Variants in TNRC6B observed in about 807,000 individuals in gnomAD.
The protein encoded by TNRC6B is trinucleotide repeat containing adaptor 6B.
Under a neutral mutation model 203.6 loss-of-function variants are expected in TNRC6B, and 52 were observed. The observed-to-expected ratio is 0.26, with a 90% confidence interval of 0.20 to 0.32. The LOEUF is 0.32. TNRC6B is among the 10% of genes least tolerant of loss of function. TNRC6B has a pLI of 1.00. For synonymous variants in TNRC6B, 838 were observed against 845.7 expected (o/e 0.99, Z 0.16); for missense variants, 1,923 against 2,286.2 (o/e 0.84, Z 3.24).
chr22:40,187,188 A>C (rs2069215294), intron 1 of TNRC6B, among the ~76,000 whole-genome samples: 1 of 152,214 alleles, frequency 6.6e-6, no homozygotes, highest in African/African-American at 2.4e-5. Flanking sequence ...GGGTTATGCG[A>C]AGTAAAATAG....
At chr22:40,168,001 A>G (rs2068935985) in intron 4 of TNRC6B, among the ~76,000 whole-genome samples, 1 of 152,214 alleles carries the variant, frequency 6.6e-6, no homozygotes, top group Admixed American at 6.5e-5. Context: ...AGCAAAGCAA[A>G]TCTGTTTCAA....
upstream of TNRC6B, among the ~76,000 whole-genome samples, chr22:40,175,073 C>T (rs771557224): frequency 6.6e-6 from 1 of 151,950 alleles, no homozygotes; most frequent in Non-Finnish European, 1.5e-5. Context: ...AAAAAATATT[C>T]AGTGGCCGGG....
chr22:40,316,766 G>C (rs1172952040), intron 21 of TNRC6B, among the ~76,000 whole-genome samples: 1 of 152,190 alleles, frequency 6.6e-6, no homozygotes, highest in African/African-American at 2.4e-5. Context: ...CTGGAGAAGG[G>C]TTGATGCTGG....
chr22:40,051,804 A>G (rs927412976), intron 1 of TNRC6B, among the ~76,000 whole-genome samples: 1 of 152,238 alleles, frequency 6.6e-6, no homozygotes, highest in East Asian at 1.9e-4. Context: ...ATTGATTTTT[A>G]TAGCATTTTA....
chr22:40,186,263 G>A (rs1279928165), intron 1 of TNRC6B, among the ~76,000 whole-genome samples: 1 of 152,094 alleles, frequency 6.6e-6, no homozygotes, highest in Non-Finnish European at 1.5e-5. Flanking sequence ...TCGATCACAG[G>A]TGTGGGCAGC....
intron 4 of TNRC6B, among the ~76,000 whole-genome samples, chr22:40,160,252 G>C (rs1158409610): frequency 6.6e-6 from 1 of 152,066 alleles, no homozygotes; most frequent in Non-Finnish European, 1.5e-5. Flanking sequence ...TGAGGCAGGC[G>C]GATCACCTGA....
chr22:40,078,429 C>T (rs1485016747), intron 1 of TNRC6B, among the ~76,000 whole-genome samples: 2 of 151,856 alleles, frequency 1.3e-5, no homozygotes, highest in Non-Finnish European at 2.9e-5. Flanking sequence ...GAGGCTGAGG[C>T]AGGAGGATCA....
At chr22:40,247,808 G>A (rs920943869) in intron 2 of TNRC6B, among the ~76,000 whole-genome samples, 2 of 152,130 alleles carry the variant, frequency 1.3e-5, no homozygotes, top group Non-Finnish European at 2.9e-5. Context: ...GGTGGCTCAT[G>A]CCTGTAATCC....
chr22:40,279,971 C>T (rs896462241), intron 9 of TNRC6B, 24 bp from the exon 10 acceptor site: 2 of 1,611,900 alleles, frequency 1.2e-6, no homozygotes, highest in Non-Finnish European at 1.7e-6. Context: ...TGGAAATTTT[C>T]ACTCTGTGTA....
At chr22:40,258,376 T>G (rs1368260852) in intron 3 of TNRC6B, among the ~76,000 whole-genome samples, 1 of 152,150 alleles carries the variant, frequency 6.6e-6, no homozygotes, top group Non-Finnish European at 1.5e-5. Context: ...GTTTGGACTT[T>G]GGGAGTCAAT....
chr22:40,271,060 T>C (rs752028310), intron 6 of TNRC6B, among the ~76,000 whole-genome samples: 2 of 152,198 alleles, frequency 1.3e-5, no homozygotes, highest in Non-Finnish European at 2.9e-5. Context: ...TGGCATAAAT[T>C]TCACTTCAAT....
intron 12 of TNRC6B, among the ~76,000 whole-genome samples, chr22:40,298,823 G>A (rs749364644): frequency 4.6e-5 from 7 of 152,106 alleles, no homozygotes; most frequent in African/African-American, 7.2e-5. Context: ...AAAATTAGCC[G>A]GGCGCAGTGG....
chr22:40,228,007 T>C (rs1198254105), intron 1 of TNRC6B, among the ~76,000 whole-genome samples: 1 of 152,234 alleles, frequency 6.6e-6, no homozygotes, highest in Non-Finnish European at 1.5e-5. Context: ...CTAAGACCGC[T>C]ATTCCTCATC....
At chr22:40,112,928 G>A (rs2068352436) in intron 1 of TNRC6B, among the ~76,000 whole-genome samples, 1 of 152,140 alleles carries the variant, frequency 6.6e-6, no homozygotes, top group Non-Finnish European at 1.5e-5. Flanking sequence ...AGACAAGCCT[G>A]GTCAACATGG....
chr22:40,156,121 CAGG>C, exon 4 of TNRC6B: 1 of 1,579,238 alleles, frequency 6.3e-7, no homozygotes, highest in Non-Finnish European at 8.6e-7. Flanking sequence ...GCAGGTGGAA[CAGG>C]AGGATTTTGT....
chr22:40,132,950 A>AT (rs1201615150), intron 3 of TNRC6B, among the ~76,000 whole-genome samples: 99 of 91,472 alleles, frequency 1.1e-3, no homozygotes, highest in African/African-American at 4.6e-3. Context: ...TCTCAAAAAA[A>AT]AAAAAAAAAA....
rs752534968 is a variant in TNRC6B at position 40,265,260 on chromosome 22, A to G, written c.1030A>G (p.Arg344Gly). The change falls in exon 5 of 23, where the codon AGG becomes GGG. Residue 344 changes from arginine (R) to glycine (G), a missense_variant. Arg to Gly is a moderately radical substitution (Grantham distance 125). Around this residue, in one of 8 missense-constraint regions of TNRC6B, gnomAD observed 614 missense variants for 587.7 expected, o/e 1.04. Transcript: ENST00000454349. ...GGTTAGCACAGTAGGTCAGACATCC[A>G]GGGAACAGCAGTCAAAGATGGAAAA... is the stretch of plus-strand genomic sequence containing the variant. Reference protein sequence around the residue: ...AQVSTVGQTSREQQSKMENAG... With the variant: ...AQVSTVGQTSGEQQSKMENAG... 6.2e-7 allele frequency: 1 copy of G among 1,614,056 alleles called. No homozygotes were observed. Among genetic ancestry groups the G allele is most frequent in the Non-Finnish European group, 8.5e-7 (1 of 1,179,896 alleles).
intron 3 of TNRC6B, among the ~76,000 whole-genome samples, chr22:40,133,970 CAAAAAAAAAA>C (rs57924620): frequency 1.1e-4 from 5 of 45,974 alleles, no homozygotes; most frequent in South Asian, 2.2e-3. Context: ...AGCTCCGTCT[CAAAAAAAAAA>C]AAAAAAAAAA....
At chr22:40,056,830 A>C (rs1481035009) in intron 1 of TNRC6B, among the ~76,000 whole-genome samples, 1 of 151,830 alleles carries the variant, frequency 6.6e-6, no homozygotes, top group Non-Finnish European at 1.5e-5. Context: ...AAAAATCTAT[A>C]ATCTATTAAA....
Sources: gnomAD v4.1 joint callset for allele counts (sites outside exome capture counted in the v4.1 genomes callset) on GRCh38, gnomAD v4.1.1 for gene constraint, gnomAD v4.1.1 regional missense constraint, MANE v1.5 for transcripts, NCBI Gene and HGNC (gene_info 2026-07-23, HGNC 2026-07-21) for gene names.